ANKRD13C: variants seen among roughly 807,000 people sequenced by gnomAD.
ANKRD13C encodes the protein ankyrin repeat domain-containing protein 13C.
In ANKRD13C, 16 loss-of-function variants were observed where a neutral mutation model predicts 65.5. The ratio of observed to expected loss-of-function variants is 0.24; its 90% CI spans 0.17 to 0.37. The LOEUF (loss-of-function observed/expected upper bound fraction) is 0.37, where lower values mean the gene tolerates loss of function less well. Ranked by LOEUF, ANKRD13C falls within the 10% of genes least tolerant of loss-of-function variation. The pLI is 1.00. For synonymous variants in ANKRD13C, 235 were observed against 238.7 expected (o/e 0.98, Z 0.14); for missense variants, 503 against 655.9 (o/e 0.77, Z 2.55).
intron 1 of ANKRD13C, among the ~76,000 whole-genome samples, chr1:70,340,514 AGTT>A (rs1481736024): frequency 1.3e-5 from 2 of 152,028 alleles, no homozygotes; most frequent in African/African-American, 4.8e-5. Context: ...TTTATTCTGC[AGTT>A]GTTGGGTTCA....
intron 9 of ANKRD13C, among the ~76,000 whole-genome samples, chr1:70,277,511 A>G (rs74371189): frequency 6.7e-6 from 1 of 149,052 alleles, no homozygotes; most frequent in Non-Finnish European, 1.5e-5. Context: ...AGTTGGAAAG[A>G]AAAAAAAAAT....
chr1:70,298,960 G>A (rs1680207936), intron 7 of ANKRD13C, among the ~76,000 whole-genome samples: 1 of 152,152 alleles, frequency 6.6e-6, no homozygotes, highest in South Asian at 2.1e-4. Flanking sequence ...TACTGATGCT[G>A]TATTAGATAA....
At chr1:70,283,725 T>C (rs562694994) in intron 9 of ANKRD13C, among the ~76,000 whole-genome samples, 1 of 152,124 alleles carries the variant, frequency 6.6e-6, no homozygotes, top group Non-Finnish European at 1.5e-5. Flanking sequence ...GGAGAATTGC[T>C]TGGAGCCGGG....
Position 70,344,295 on chromosome 1 carries a change from C to CAAAAAAAAAAAA in ANKRD13C, c.431-8208_431-8197dup, listed in dbSNP as rs1169730172. 1.3e-3 allele frequency among the ~76,000 whole-genome samples: 112 copies of CAAAAAAAAAAAA among 85,540 alleles called. 1 individual carries two copies. The highest frequency in any genetic ancestry group is 1.4e-3 in the Non-Finnish European group (59 of 42,282). 56.1% of individuals were successfully genotyped at this position (85,540 alleles called of 152,430 possible). The stretch of plus-strand genomic sequence containing the variant: ...TGGGCAACAGAGCAAGATTCCATCT[C>CAAAAAAAAAAAA]AAAAAAAAAAAAAAAAAATTAGCTG... On this transcript the variant is annotated intron_variant, in intron 1 of 12. Coordinates refer to ENST00000370944, the MANE Select transcript of ANKRD13C (RefSeq NM_030816.5).
At chr1:70,297,781 C>A (rs907939247) in intron 7 of ANKRD13C, among the ~76,000 whole-genome samples, 6 of 150,292 alleles carry the variant, frequency 4.0e-5, no homozygotes, top group Non-Finnish European at 5.9e-5. Context: ...GGCATGGTGG[C>A]ACGCGCCTGT....
At chr1:70,266,222 A>G (rs1005680242) in intron 12 of ANKRD13C, among the ~76,000 whole-genome samples, 6 of 152,178 alleles carry the variant, frequency 3.9e-5, no homozygotes, top group Non-Finnish European at 7.3e-5. Flanking sequence ...TACTTTATAT[A>G]AATGGAATCA....
At chr1:70,322,460 G>A (rs1217117051) in intron 3 of ANKRD13C, among the ~76,000 whole-genome samples, 1 of 152,084 alleles carries the variant, frequency 6.6e-6, no homozygotes, top group African/African-American at 2.4e-5. Context: ...GAATGGCTAA[G>A]GTATCACTCT....
At chr1:70,322,237 A>T (rs1681343370) in intron 3 of ANKRD13C, among the ~76,000 whole-genome samples, 2 of 152,158 alleles carry the variant, frequency 1.3e-5, no homozygotes, top group African/African-American at 2.4e-5. Context: ...GGTCTCAAAA[A>T]AAATAAATAA....
intron 1 of ANKRD13C, among the ~76,000 whole-genome samples, chr1:70,337,187 G>C (rs1682080165): frequency 6.9e-6 from 1 of 144,678 alleles, no homozygotes; most frequent in Admixed American, 6.9e-5. Context: ...ACACACTTTT[G>C]CTCAATAAAG....
intron 9 of ANKRD13C, among the ~76,000 whole-genome samples, chr1:70,284,351 C>A (rs975224543): frequency 6.6e-6 from 1 of 151,740 alleles, no homozygotes; most frequent in African/African-American, 2.4e-5. Flanking sequence ...AATAAGAAAT[C>A]ATATATATTT....
In ANKRD13C at chr1:70,269,644, G is replaced by C. The variant is rs1279044790; in HGVS notation, c.1495+1212C>G. On this transcript the variant is annotated intron_variant, in intron 12 of 12. Coordinates refer to ENST00000370944, the MANE Select transcript of ANKRD13C (RefSeq NM_030816.5). ...AAGATCTTATCACTGATTTCTCCAAGTAGACACTGGGTTCCTAGTGCTTTT... is the reference window on the plus strand; with the variant it reads ...AAGATCTTATCACTGATTTCTCCAACTAGACACTGGGTTCCTAGTGCTTTT... Among the ~76,000 whole-genome samples, 3 of 151,378 alleles carry C rather than the reference G, an allele frequency of 2.0e-5. No homozygotes were observed. The East Asian group carries it at 5.8e-4, about 29-fold the overall frequency.
At chr1:70,288,644 A>G (rs1326892950) in intron 9 of ANKRD13C, among the ~76,000 whole-genome samples, 1 of 152,238 alleles carries the variant, frequency 6.6e-6, no homozygotes, top group East Asian at 1.9e-4. Context: ...TCAAAAGGCT[A>G]AGTACTATAT....
intron 2 of ANKRD13C, among the ~76,000 whole-genome samples, chr1:70,329,754 A>C (rs1462833978): frequency 6.6e-6 from 1 of 152,060 alleles, no homozygotes; most frequent in Non-Finnish European, 1.5e-5. Context: ...TCAGATAATC[A>C]TAGATATGCT....
chr1:70,343,020 T>C (rs907004891), intron 1 of ANKRD13C, among the ~76,000 whole-genome samples: 14 of 152,056 alleles, frequency 9.2e-5, no homozygotes, highest in Non-Finnish European at 1.3e-4. Flanking sequence ...CTCAAGAACA[T>C]AGAGAAAAGA....
Position 70,259,717 on chromosome 1 carries a change from C to T in ANKRD13C, c.*3000G>A, listed in dbSNP as rs1251794400. ...GTGACTTAATACCTCCTGTCCATTT[C>T]TCTAGTGGGGGCAAGTTTTACACCA... On this transcript the variant is annotated 3_prime_UTR_variant, in exon 13 of 13. Coordinates refer to ENST00000370944, the MANE Select transcript of ANKRD13C (RefSeq NM_030816.5). 6.6e-6 allele frequency among the ~76,000 whole-genome samples: 1 copy of T among 152,164 alleles called. No individual in the cohort carries two copies. Among genetic ancestry groups the T allele is most frequent in the Non-Finnish European group, 1.5e-5 (1 of 68,024 alleles).
At chr1:70,341,931 T>A (rs1425621334) in intron 1 of ANKRD13C, among the ~76,000 whole-genome samples, 2 of 151,764 alleles carry the variant, frequency 1.3e-5, no homozygotes, top group Admixed American at 1.3e-4. Flanking sequence ...AAAAATATAA[T>A]TAAAATTGGT....
intron 1 of ANKRD13C, among the ~76,000 whole-genome samples, chr1:70,338,450 G>A (rs543902693): frequency 1.3e-5 from 2 of 152,300 alleles, no homozygotes; most frequent in Non-Finnish European, 2.9e-5. Flanking sequence ...TGTCCAGGCT[G>A]GAGTGCAGAG....
intron 12 of ANKRD13C, among the ~76,000 whole-genome samples, chr1:70,263,755 A>T (rs889183190): frequency 6.6e-6 from 1 of 152,178 alleles, no homozygotes; most frequent in Non-Finnish European, 1.5e-5. Context: ...GTTCAAAACC[A>T]GCATGGGCAA....
At position 70,354,152 on chromosome 1, in the gene ANKRD13C, G is replaced by C; in HGVS notation, c.257C>G (p.Thr86Ser). 3 of 1,614,150 alleles carry C rather than the reference G, an allele frequency of 1.9e-6. No individual in the cohort carries two copies. In the South Asian group the frequency reaches 3.3e-5, roughly 18 times the overall value. Residue 86 changes from threonine (T) to serine (S), a missense_variant, in exon 1 of 13, where the codon ACT becomes AGT. Around this residue, in one of 2 missense-constraint regions of ANKRD13C, gnomAD observed 203 missense variants for 177.6 expected, o/e 1.14. Transcript: ENST00000370944. ...PALPLHNSSV[T>S]ANSQSPALLA... ...AAGGGCCGGGGACTGGGAGTTGGCA[G>C]TCACGGAGGAATTGTGCAGCGGCAG...
Sources: allele counts gnomAD v4.1 joint callset (sites outside exome capture counted in the v4.1 genomes callset), GRCh38; gene constraint gnomAD v4.1.1; regional missense constraint gnomAD v4.1.1; transcripts MANE v1.5; gene names NCBI Gene and HGNC (gene_info 2026-07-23, HGNC 2026-07-21).